The following CCSER1 variants were observed in gnomAD, a reference collection of about 807,000 sequenced individuals.
CCSER1 encodes serine-rich coiled-coil domain-containing protein 1.
CCSER1 carries 41 observed loss-of-function variants against 82.0 expected under a neutral mutation model. The observed-to-expected ratio is 0.50, with a 90% confidence interval of 0.39 to 0.65. The LOEUF is 0.65. Ranked by LOEUF, CCSER1 falls within the 30% of genes least tolerant of loss-of-function variation. CCSER1 has a pLI of 0.00. For missense variants in CCSER1, 1,119 were observed against 1,064.2 expected (o/e 1.05, Z -0.72); for synonymous variants, 414 against 383.9 (o/e 1.08, Z -0.92).
chr4:90,130,610 A>C (rs1722656504), intron 1 of CCSER1, among the ~76,000 whole-genome samples: 3 of 151,992 alleles, frequency 2.0e-5, no homozygotes, highest in African/African-American at 7.2e-5. Context: ...ACATCCTTCT[A>C]CACATTCTAT....
intron 10 of CCSER1, 33 bp from the exon 11 acceptor site, chr4:91,598,539 A>C: frequency 6.6e-7 from 1 of 1,510,916 alleles, no homozygotes; most frequent in African/African-American, 1.4e-5. Flanking sequence ...GTGTTTTTTT[A>C]AGACATCTTT....
chr4:90,888,985 G>C (rs1722560710), intron 8 of CCSER1, among the ~76,000 whole-genome samples: 1 of 151,954 alleles, frequency 6.6e-6, no homozygotes, highest in African/African-American at 2.4e-5. Flanking sequence ...GTGTCACATA[G>C]CAATGTCATA....
intron 8 of CCSER1, among the ~76,000 whole-genome samples, chr4:90,854,399 T>G: frequency 6.6e-6 from 1 of 152,216 alleles, no homozygotes; most frequent in Non-Finnish European, 1.5e-5. Context: ...TTTCAAGTGA[T>G]TGTTGCTTTG....
intron 9 of CCSER1, among the ~76,000 whole-genome samples, chr4:90,983,346 T>A (rs1736294375): frequency 6.6e-6 from 1 of 151,812 alleles, no homozygotes; most frequent in Non-Finnish European, 1.5e-5. Context: ...TTAATTTTTT[T>A]CTCTTTATGT....
At chr4:90,522,450 A>G (rs2153625775) in intron 5 of CCSER1, among the ~76,000 whole-genome samples, 1 of 152,124 alleles carries the variant, frequency 6.6e-6, no homozygotes, top group East Asian at 1.9e-4. Flanking sequence ...TTAGGAGTCC[A>G]TGATCTATAC....
intron 3 of CCSER1, among the ~76,000 whole-genome samples, chr4:90,336,389 A>G (rs1740400171): frequency 6.6e-6 from 1 of 152,230 alleles, no homozygotes; most frequent in Non-Finnish European, 1.5e-5. Flanking sequence ...CATGTAAGAA[A>G]GTGTAAAATG....
At chr4:90,731,185 C>A (rs1022277200) in intron 7 of CCSER1, among the ~76,000 whole-genome samples, 1 of 151,954 alleles carries the variant, frequency 6.6e-6, no homozygotes, top group Non-Finnish European at 1.5e-5. Context: ...TGTAGAATAT[C>A]CTAAAAGAAC....
intron 9 of CCSER1, among the ~76,000 whole-genome samples, chr4:91,011,690 G>A (rs556739886): frequency 1.5e-5 from 2 of 134,584 alleles, no homozygotes; most frequent in African/African-American, 4.9e-5. Context: ...AAGGAGCAAG[G>A]TGTAGCTGCA....
At chr4:91,223,854 G>T (rs1243388708) in intron 10 of CCSER1, among the ~76,000 whole-genome samples, 1 of 152,092 alleles carries the variant, frequency 6.6e-6, no homozygotes, top group Non-Finnish European at 1.5e-5. Flanking sequence ...AGCAACCACA[G>T]ATGTATTGGC....
At chr4:90,506,254 T>C (rs1770664363) in intron 5 of CCSER1, among the ~76,000 whole-genome samples, 1 of 152,200 alleles carries the variant, frequency 6.6e-6, no homozygotes, top group African/African-American at 2.4e-5. Context: ...TTTCAGAATT[T>C]TCATCTAGTT....
chr4:91,524,645 C>T (rs1760678380), intron 10 of CCSER1, among the ~76,000 whole-genome samples: 1 of 152,076 alleles, frequency 6.6e-6, no homozygotes, highest in African/African-American at 2.4e-5. Context: ...GGGAACCTTG[C>T]AGTAGTAGCT....
At chr4:91,230,636 AAC>A (rs1182055387) in intron 10 of CCSER1, among the ~76,000 whole-genome samples, 1 of 151,958 alleles carries the variant, frequency 6.6e-6, no homozygotes, top group Admixed American at 6.6e-5. Context: ...GAGGAAAAAA[AAC>A]ACACAAAACA....
At chr4:90,462,650 C>A (rs147829997) in intron 4 of CCSER1, among the ~76,000 whole-genome samples, 5 of 152,090 alleles carry the variant, frequency 3.3e-5, no homozygotes, top group African/African-American at 4.8e-5. Flanking sequence ...GCAGGCGGAT[C>A]GCTTGAGCCC....
In CCSER1 at chr4:90,319,448, A is replaced by T. The variant is rs1736728936; in HGVS notation, c.1509+6401A>T. 3.9e-5 allele frequency among the ~76,000 whole-genome samples: 6 copies of T among 152,112 alleles called. No individual in the cohort carries two copies. In the South Asian group the frequency reaches 1.2e-3, roughly 31 times the overall value. On this transcript the variant is annotated intron_variant, in intron 3 of 10. Coordinates refer to ENST00000509176, the MANE Select transcript of CCSER1 (RefSeq NM_001145065.2). ...GGGCGGGTCATGAGGTTAGGAGATC[A>T]AGACTATCCTGGCTAACACGGTGAA...
At chr4:91,542,021 G>A (rs1170006608) in intron 10 of CCSER1, among the ~76,000 whole-genome samples, 1 of 152,146 alleles carries the variant, frequency 6.6e-6, no homozygotes. Flanking sequence ...CTGCATAAAT[G>A]TCTTCTTTTG....
intron 10 of CCSER1, among the ~76,000 whole-genome samples, chr4:91,330,647 T>G (rs1746887597): frequency 6.6e-6 from 1 of 152,158 alleles, no homozygotes; most frequent in Non-Finnish European, 1.5e-5. Flanking sequence ...TTTTCCAATT[T>G]AAAATATCCC....
intron 1 of CCSER1, among the ~76,000 whole-genome samples, chr4:90,171,980 A>G (rs1430466075): frequency 2.0e-5 from 3 of 151,892 alleles, no homozygotes; most frequent in Non-Finnish European, 4.4e-5. Flanking sequence ...TCATATCACT[A>G]TTTTTATAAC....
At chr4:90,921,318 C>T (rs962900262) in intron 8 of CCSER1, among the ~76,000 whole-genome samples, 1 of 151,816 alleles carries the variant, frequency 6.6e-6, no homozygotes, top group African/African-American at 2.4e-5. Context: ...ATTATTGTAC[C>T]TAAGTCTATA....
chr4:91,111,995 GA>G (rs1298415766), intron 10 of CCSER1, among the ~76,000 whole-genome samples: 2 of 152,000 alleles, frequency 1.3e-5, no homozygotes, highest in Non-Finnish European at 2.9e-5. Flanking sequence ...TTTATGTTAT[GA>G]AAGGACATTC....
Sources: gnomAD v4.1 joint callset for allele counts (sites outside exome capture counted in the v4.1 genomes callset) on GRCh38, gnomAD v4.1.1 for gene constraint, MANE v1.5 for transcripts, NCBI Gene and HGNC (gene_info 2026-07-23, HGNC 2026-07-21) for gene names.